The following TNS3 variants were observed in gnomAD, a reference collection of about 807,000 sequenced individuals.
TNS3 encodes tensin 3, also known as tensin-3.
Under a neutral mutation model 140.9 loss-of-function variants are expected in TNS3, and 45 were observed. That is an observed-to-expected ratio of 0.32 (90% confidence interval 0.25 to 0.41). The LOEUF (loss-of-function observed/expected upper bound fraction) is 0.41, where lower values mean the gene tolerates loss of function less well. Ranked by LOEUF, TNS3 falls within the 10% of genes least tolerant of loss-of-function variation. TNS3 has a pLI of 1.00. For missense variants in TNS3, 1,716 were observed against 1,906.7 expected (o/e 0.90, Z 1.86); for synonymous variants, 815 against 788.4 (o/e 1.03, Z -0.56).
chr7:47,506,745 G>A (rs1798430500), intron 3 of TNS3, among the ~76,000 whole-genome samples, 162 bp downstream of exon 3: 1 of 152,140 alleles, frequency 6.6e-6, no homozygotes, highest in Non-Finnish European at 1.5e-5. Context: ...AAGCTCTTTG[G>A]TTTATCCTTG....
intron 20 of TNS3, among the ~76,000 whole-genome samples, chr7:47,339,068 C>A (rs1024633304): frequency 4.6e-5 from 7 of 152,084 alleles, no homozygotes; most frequent in Admixed American, 2.6e-4. Context: ...TTCTTTACTG[C>A]TGAGTATTGA....
intron 1 of TNS3, among the ~76,000 whole-genome samples, chr7:47,549,034 G>A (rs1046124365): frequency 6.6e-6 from 1 of 151,996 alleles, no homozygotes; most frequent in Non-Finnish European, 1.5e-5. Context: ...CCAGTTCCCC[G>A]GTCTCCACTC....
chr7:47,450,118 A>G (rs1795947971), intron 4 of TNS3, among the ~76,000 whole-genome samples: 1 of 152,192 alleles, frequency 6.6e-6, no homozygotes. Flanking sequence ...ACGAACCACT[A>G]ATCCCAAAGT....
chr7:47,397,970 A>C (rs1040743077), intron 15 of TNS3, among the ~76,000 whole-genome samples: 3 of 152,222 alleles, frequency 2.0e-5, no homozygotes, highest in Non-Finnish European at 2.9e-5. Context: ...AAATAAATTC[A>C]ATTAGAAATG....
chr7:47,471,710 G>C (rs867928492), intron 4 of TNS3, among the ~76,000 whole-genome samples: 3 of 152,330 alleles, frequency 2.0e-5, no homozygotes, highest in South Asian at 2.1e-4. Flanking sequence ...TTGGAGAAGG[G>C]GCCTCAGCCA....
At chr7:47,507,850 G>A (rs574522868) in intron 2 of TNS3, among the ~76,000 whole-genome samples, 3 of 152,344 alleles carry the variant, frequency 2.0e-5, no homozygotes, top group East Asian at 3.9e-4. Flanking sequence ...AGCCCACAGG[G>A]ACAGCTGTGG....
chr7:47,280,420 C>T, intron 28 of TNS3, 66 bp from the exon 29 acceptor site: 5 of 1,410,232 alleles, frequency 3.5e-6, no homozygotes, highest in South Asian at 3.5e-5. Flanking sequence ...GGGGGATGCA[C>T]TGGGCGGGCT....
intron 3 of TNS3, among the ~76,000 whole-genome samples, chr7:47,504,663 G>T (rs867559520): frequency 6.6e-6 from 1 of 152,214 alleles, no homozygotes; most frequent in Non-Finnish European, 1.5e-5. Flanking sequence ...TAATGTGGGA[G>T]AAGCCACAGC....
chr7:47,316,069 T>A (rs929249047), intron 20 of TNS3, among the ~76,000 whole-genome samples: 1 of 149,446 alleles, frequency 6.7e-6, no homozygotes, highest in African/African-American at 2.5e-5. Context: ...CAGAAGTAAG[T>A]GAGACTATCC....
rs773157279 is a variant in TNS3 at position 47,303,104 on chromosome 7, C to T, written c.3303G>A (p.Lys1101=). 32 of 1,613,986 alleles carry T rather than the reference C, an allele frequency of 2.0e-5. No individual in the cohort carries two copies. ...TLPGQPPLPE[K]KRASEGDRSL... ...AACGATCCCCCTCCGAGGCCCGCTT[C>T]TTCTCAGGGAGGGGTGGCTGCCCGG... Residue 1101 remains lysine (K), a synonymous_variant, in exon 22 of 31, where the codon AAG becomes AAA. Transcript: ENST00000311160.
At chr7:47,328,192 C>A (rs561075862) in intron 20 of TNS3, among the ~76,000 whole-genome samples, 1 of 152,190 alleles carries the variant, frequency 6.6e-6, no homozygotes, top group East Asian at 1.9e-4. Flanking sequence ...GCGGCCACCT[C>A]CAAAGAGGCC....
rs1002031220 is a variant in TNS3, at chr7:47,291,880, G to A, written c.3928+75C>T. The A allele has an allele frequency of 2.7e-6, 4 of 1,488,832 alleles. No homozygotes were observed. In the Admixed American group the frequency reaches 7.3e-5, roughly 27 times the overall value. The allele number at this position is 1,488,832 out of a possible 1,614,324, so 92.2% of individuals were successfully genotyped here. A position where few individuals can be genotyped will look rare whatever the true frequency, so the allele number is the denominator to read the frequency against. On this transcript the variant is annotated intron_variant, in intron 27 of 30. Coordinates refer to ENST00000311160, the MANE Select transcript of TNS3 (RefSeq NM_022748.12). ...AGAAAGGAAACCTGAATACTGAAGTGCAAAAGGAAGTTGTGTCAGTGAGTC... is the reference window on the plus strand; with the variant it reads ...AGAAAGGAAACCTGAATACTGAAGTACAAAAGGAAGTTGTGTCAGTGAGTC...
At chr7:47,309,308 T>C (rs1425354608) in intron 20 of TNS3, among the ~76,000 whole-genome samples, 3 of 152,200 alleles carry the variant, frequency 2.0e-5, no homozygotes, top group Non-Finnish European at 4.4e-5. Context: ...AAATTAAAGT[T>C]AACTTATCAA....
chr7:47,564,018 C>A (rs1800371036), intron 1 of TNS3, among the ~76,000 whole-genome samples: 1 of 140,042 alleles, frequency 7.1e-6, no homozygotes, highest in Non-Finnish European at 1.5e-5. Context: ...ACAGTGAAAC[C>A]CCGTCTCTAC....
rs866611444 is a variant in TNS3 at position 47,481,140 on chromosome 7, A to T, written c.-113T>A. 1 of 1,289,790 alleles carries T rather than the reference A, an allele frequency of 7.8e-7. No homozygotes were observed. Among genetic ancestry groups the T allele is most frequent in the Middle Eastern group, 2.1e-4 (1 of 4,696 alleles). The allele number at this position is 1,289,790 out of a possible 1,614,324, so 79.9% of individuals were successfully genotyped here. ...GACTTGCACACCGCAGGGAATCACCACCTTTCAAAGAGAGAAGAAACAGAT... is the reference window on the plus strand; with the variant it reads ...GACTTGCACACCGCAGGGAATCACCTCCTTTCAAAGAGAGAAGAAACAGAT... On this transcript the variant is annotated splice_region_variant and 5_prime_UTR_variant, in exon 4 of 31. Coordinates refer to ENST00000311160, the MANE Select transcript of TNS3 (RefSeq NM_022748.12).
chr7:47,542,495 T>A (rs537974269), intron 1 of TNS3, among the ~76,000 whole-genome samples: 1 of 152,280 alleles, frequency 6.6e-6, no homozygotes, highest in East Asian at 1.9e-4. Context: ...GGCCACCAGA[T>A]ACTCTGGGCA....
intron 4 of TNS3, among the ~76,000 whole-genome samples, chr7:47,457,694 T>C (rs1174084298): frequency 6.6e-6 from 1 of 152,172 alleles, no homozygotes; most frequent in Non-Finnish European, 1.5e-5. Context: ...CTACACACTA[T>C]GGTGCCCTCC....
intron 1 of TNS3, among the ~76,000 whole-genome samples, chr7:47,546,390 G>A (rs1176609867): frequency 3.3e-5 from 5 of 152,184 alleles, no homozygotes; most frequent in East Asian, 1.9e-4. Flanking sequence ...TGCCGTCACC[G>A]CAGGAGAGCT....
At chr7:47,470,672 T>A (rs904395053) in intron 4 of TNS3, 1 of 985,112 alleles carries the variant, frequency 1.0e-6, no homozygotes, top group Non-Finnish European at 1.2e-6. Flanking sequence ...TCAGGGCTGA[T>A]GGGAATCCAG....
Sources: gnomAD v4.1 joint callset for allele counts (sites outside exome capture counted in the v4.1 genomes callset) on GRCh38, gnomAD v4.1.1 for gene constraint, MANE v1.5 for transcripts, NCBI Gene and HGNC (gene_info 2026-07-23, HGNC 2026-07-21) for gene names.